ANO3: variants seen among roughly 807,000 people sequenced by gnomAD.
ANO3 encodes anoctamin 3.
ANO3 carries 99 observed loss-of-function variants against 144.8 expected under a neutral mutation model. That is an observed-to-expected ratio of 0.68 (90% CI 0.58 to 0.81). The LOEUF (loss-of-function observed/expected upper bound fraction) is 0.81, where lower values mean the gene tolerates loss of function less well. Among genes scored for constraint, ANO3 ranks in the 30% least tolerant of loss-of-function variants. The probability of loss-of-function intolerance (pLI) is 0.00; values close to 1 mark genes in which losing one functional copy is unlikely to be tolerated. For synonymous variants in ANO3, 414 were observed against 392.6 expected (o/e 1.05, Z -0.64); for missense variants, 905 against 1,202.2 (o/e 0.75, Z 3.66).
At chr11:26,407,703 A>T (rs1447298841) in intron 1 of ANO3, among the ~76,000 whole-genome samples, 1 of 151,902 alleles carries the variant, frequency 6.6e-6, no homozygotes, top group Non-Finnish European at 1.5e-5. Context: ...TCTGTAGCTT[A>T]AAATCTTGCA....
rs958294670 is a variant in ANO3 at position 26,548,160 on chromosome 11, AT to A, written c.1289+614del. Among the ~76,000 whole-genome samples the A allele has an allele frequency of 9.7e-5, 14 of 144,724 alleles. No homozygotes were observed. The East Asian group carries it at 3.0e-3, about 31-fold the overall frequency. The allele number at this position is 144,724 out of a possible 152,430, so 94.9% of individuals were successfully genotyped here. A position where few individuals can be genotyped will look rare whatever the true frequency, so the allele number is the denominator to read the frequency against. On this transcript the variant is annotated intron_variant, in intron 12 of 26. Coordinates refer to ENST00000256737, the MANE Select transcript of ANO3 (RefSeq NM_031418.4). ...TCTCTGGAGGAACAAATATTTATAA[AT>A]TTTACTTAGCATCCACTTAAGATAT...
chr11:26,387,933 A>T (rs1856777531), intron 1 of ANO3, among the ~76,000 whole-genome samples: 1 of 152,120 alleles, frequency 6.6e-6, no homozygotes, highest in South Asian at 2.1e-4. Context: ...CCAAAGGTCA[A>T]GTATCCTGGT....
chr11:26,644,269 A>G (rs1038006506), intron 23 of ANO3, among the ~76,000 whole-genome samples: 5 of 152,312 alleles, frequency 3.3e-5, no homozygotes, highest in African/African-American at 9.6e-5. Context: ...GATTTCATAT[A>G]TACCTTTCCA....
intron 1 of ANO3, among the ~76,000 whole-genome samples, chr11:26,375,435 G>A (rs1461367): frequency 0.27 from 40,638 of 152,042 alleles, 6,101 homozygotes; most frequent in African/African-American, 0.41. Flanking sequence ...TTATACAAAT[G>A]TCCAGAAATT....
intron 1 of ANO3, among the ~76,000 whole-genome samples, chr11:26,299,900 T>C (rs988445886): frequency 1.3e-5 from 2 of 152,166 alleles, no homozygotes; most frequent in Non-Finnish European, 2.9e-5. Flanking sequence ...TCACATTGCT[T>C]CAGTCTTCTC....
At chr11:26,555,915 A>T (rs1018006269) in intron 13 of ANO3, among the ~76,000 whole-genome samples, 5 of 152,134 alleles carry the variant, frequency 3.3e-5, no homozygotes, top group Admixed American at 2.0e-4. Context: ...GGACTTCTCA[A>T]TTCAGTTCCT....
At chr11:26,258,620 T>A (rs1386713015) in intron 1 of ANO3, among the ~76,000 whole-genome samples, 1 of 152,202 alleles carries the variant, frequency 6.6e-6, no homozygotes. Flanking sequence ...ACTTATTCTC[T>A]GTTAAATTAT....
chr11:26,275,930 T>C (rs1017709882), intron 1 of ANO3, among the ~76,000 whole-genome samples: 1 of 152,164 alleles, frequency 6.6e-6, no homozygotes, highest in African/African-American at 2.4e-5. Flanking sequence ...TTAACCTCTC[T>C]GAAGCTGTAT....
intron 1 of ANO3, among the ~76,000 whole-genome samples, chr11:26,434,067 G>T (rs1253988364): frequency 6.6e-6 from 1 of 151,262 alleles, no homozygotes; most frequent in African/African-American, 2.4e-5. Flanking sequence ...ATTCAATTTT[G>T]TAGTATTGGT....
At chr11:26,425,390 G>A (rs1024112206) in intron 1 of ANO3, among the ~76,000 whole-genome samples, 2 of 151,848 alleles carry the variant, frequency 1.3e-5, no homozygotes, top group Non-Finnish European at 1.5e-5. Flanking sequence ...CGGTATCTCT[G>A]CTTGTGTTTC....
chr11:26,243,258 A>T (rs1590212300), intron 1 of ANO3, among the ~76,000 whole-genome samples: 1 of 151,962 alleles, frequency 6.6e-6, no homozygotes. Flanking sequence ...TTATTTTCTA[A>T]TCAATTATCT....
rs370350919 is a variant in ANO3, at chr11:26,379,360, A to C, written c.46+47039A>C. ...GTGATGTGATCTATTTTCCATTTGTAAATCACTCAAACTGCTCTGTGAAGG... is the reference window on the plus strand; with the variant it reads ...GTGATGTGATCTATTTTCCATTTGTCAATCACTCAAACTGCTCTGTGAAGG... On this transcript the variant is annotated intron_variant, in intron 1 of 26. Coordinates refer to ENST00000256737, the MANE Select transcript of ANO3 (RefSeq NM_031418.4). 5.9e-5 allele frequency among the ~76,000 whole-genome samples: 9 copies of C among 152,338 alleles called. 1 individual carries two copies. The highest frequency in any genetic ancestry group is 2.2e-4 in the African/African-American group (9 of 41,580).
At chr11:26,433,190 C>T (rs537496232) in intron 1 of ANO3, among the ~76,000 whole-genome samples, 47 of 152,166 alleles carry the variant, frequency 3.1e-4, no homozygotes, top group African/African-American at 8.9e-4. Context: ...TGGCTCTCGG[C>T]TTAGCTGGTG....
chr11:26,367,574 T>C (rs1046879698), intron 1 of ANO3, among the ~76,000 whole-genome samples: 5 of 152,170 alleles, frequency 3.3e-5, no homozygotes, highest in African/African-American at 4.8e-5. Context: ...CTCTTCTACA[T>C]GTTCAGCTAT....
intron 13 of ANO3, among the ~76,000 whole-genome samples, chr11:26,556,998 A>G (rs541448540): frequency 6.6e-6 from 1 of 152,302 alleles, no homozygotes; most frequent in South Asian, 2.1e-4. Context: ...TTCAGCTTCC[A>G]ACCTAATCAG....
intron 22 of ANO3, among the ~76,000 whole-genome samples, chr11:26,642,513 G>A (rs772761480): frequency 1.2e-4 from 18 of 151,360 alleles, no homozygotes; most frequent in Non-Finnish European, 2.1e-4. Context: ...GACCATGCCT[G>A]GCTAATTTTG....
At chr11:26,614,550 G>C (rs1157763720) in intron 17 of ANO3, among the ~76,000 whole-genome samples, 1 of 152,174 alleles carries the variant, frequency 6.6e-6, no homozygotes, top group African/African-American at 2.4e-5. Flanking sequence ...GGTCACAGTG[G>C]TGGGAGGTGC....
At chr11:26,490,342 T>C (rs1433540269) in intron 4 of ANO3, among the ~76,000 whole-genome samples, 3 of 152,210 alleles carry the variant, frequency 2.0e-5, no homozygotes, top group Non-Finnish European at 4.4e-5. Flanking sequence ...GTTCCCAGTT[T>C]TGGTGTGTCT....
intron 1 of ANO3, among the ~76,000 whole-genome samples, chr11:26,211,995 G>A (rs1444912939): frequency 6.6e-6 from 1 of 152,146 alleles, no homozygotes; most frequent in Non-Finnish European, 1.5e-5. Context: ...ACTGATAAGT[G>A]GGAGTTGAAC....
Sources: gnomAD v4.1 joint callset for allele counts (sites outside exome capture counted in the v4.1 genomes callset) on GRCh38, gnomAD v4.1.1 for gene constraint, MANE v1.5 for transcripts, NCBI Gene and HGNC (gene_info 2026-07-23, HGNC 2026-07-21) for gene names.